The following MTFR1 variants were observed in gnomAD, a reference collection of about 807,000 sequenced individuals.
The protein encoded by MTFR1 is mitochondrial fission regulator 1.
MTFR1 carries 28 observed loss-of-function variants against 38.8 expected under a neutral mutation model. That is an observed-to-expected ratio of 0.72 (90% CI 0.53 to 0.99). The LOEUF is 0.99. Ranked by LOEUF, MTFR1 falls within the 50% of genes least tolerant of loss-of-function variation. The pLI is 0.00. For missense variants in MTFR1, 358 were observed against 395.5 expected (o/e 0.91, Z 0.81); for synonymous variants, 145 against 137.0 (o/e 1.06, Z -0.41).
In MTFR1 at chr8:65,693,654, A is replaced by G. The variant is rs770799602; in HGVS notation, c.176A>G (p.His59Arg). Reference sequence around the variant, plus strand: ...ATTTATAACTTACAGATTAACAGCCATGCAACAGAATGGAGTCCCAGCCAC... The same window carrying G: ...ATTTATAACTTACAGATTAACAGCCGTGCAACAGAATGGAGTCCCAGCCAC... ...CPRVQFQINS[H>R]ATEWSPSHPG... The change falls in exon 4 of 8, where the codon CAT (histidine) becomes CGT (arginine). Residue 59 changes from histidine (H) to arginine (R), a missense_variant. By Grantham distance (29) the His-to-Arg change is conservative. Transcript: ENST00000262146. The G allele has an allele frequency of 1.4e-5, 22 of 1,613,804 alleles. No individual in the cohort carries two copies. Among genetic ancestry groups the G allele is most frequent in the Middle Eastern group, 1.6e-4 (1 of 6,084 alleles).
chr8:65,666,797 A>G (rs942889339), intron 1 of MTFR1, among the ~76,000 whole-genome samples: 2 of 152,210 alleles, frequency 1.3e-5, no homozygotes, highest in African/African-American at 4.8e-5. Context: ...TTGGAACACC[A>G]ATAAATAAAG....
In MTFR1 at chr8:65,673,569, C is replaced by T. The variant is rs890110288; in HGVS notation, c.66+3551C>T. The stretch of plus-strand genomic sequence containing the variant: ...TGTATACCTATTTAACAAACCTGCA[C>T]GTTCTGCACATGTATCCCAGAACTT... On this transcript the variant is annotated intron_variant, in intron 2 of 7. Coordinates refer to ENST00000262146, the MANE Select transcript of MTFR1 (RefSeq NM_014637.4). 8.0e-5 allele frequency among the ~76,000 whole-genome samples: 12 copies of T among 150,502 alleles called. No homozygotes were observed. In the South Asian group the frequency reaches 8.4e-4, roughly 11 times the overall value.
At chr8:65,773,545 G>A (rs1809172413), downstream of MTFR1, among the ~76,000 whole-genome samples, 1 of 152,074 alleles carries the variant, frequency 6.6e-6, no homozygotes, top group Non-Finnish European at 1.5e-5. Context: ...CTCAAGCCCG[G>A]TTCTGCTTCA....
intron 3 of MTFR1, among the ~76,000 whole-genome samples, chr8:65,737,047 G>A (rs1027981041): frequency 6.6e-6 from 1 of 151,756 alleles, no homozygotes; most frequent in African/African-American, 2.4e-5. Flanking sequence ...AGTTGAGGTT[G>A]CAGTGAGCCA....
chr8:65,745,546 G>A (rs756980889), intron 3 of MTFR1: 184 of 801,938 alleles, frequency 2.3e-4, no homozygotes, highest in Non-Finnish European at 3.5e-4. Context: ...CCATAGAGAA[G>A]TTAAAGAAAA....
At chr8:65,720,597 G>A (rs774827021) in intron 3 of MTFR1, 5 of 153,932 alleles carry the variant, frequency 3.2e-5, no homozygotes, top group Non-Finnish European at 5.9e-5. Context: ...TACAATATGT[G>A]CAATAAGGCT....
intron 1 of MTFR1, among the ~76,000 whole-genome samples, chr8:65,646,049 A>G (rs1001546806): frequency 6.6e-6 from 1 of 152,196 alleles, no homozygotes; most frequent in African/African-American, 2.4e-5. Flanking sequence ...TCTTGTGCTC[A>G]GGTTTTCAAA....
intron 4 of MTFR1, among the ~76,000 whole-genome samples, chr8:65,694,772 T>C (rs1338444991): frequency 6.6e-6 from 1 of 152,166 alleles, no homozygotes; most frequent in Admixed American, 6.5e-5. Flanking sequence ...GCAAGACTTC[T>C]CAGGAGGAAA....
chr8:65,645,542 G>A (rs1373460645), intron 1 of MTFR1, among the ~76,000 whole-genome samples: 1 of 152,266 alleles, frequency 6.6e-6, no homozygotes, highest in East Asian at 1.9e-4. Flanking sequence ...GTTATTTTGC[G>A]TTTTTGAGAC....
intron 3 of MTFR1, among the ~76,000 whole-genome samples, chr8:65,744,233 AACAAC>A (rs1402520153): frequency 2.0e-5 from 3 of 149,966 alleles, no homozygotes; most frequent in Admixed American, 6.7e-5. Context: ...AACAAAACAA[AACAAC>A]AAAAAAAAAC....
chr8:65,648,535 A>G (rs1163106972), intron 1 of MTFR1, among the ~76,000 whole-genome samples: 1 of 152,184 alleles, frequency 6.6e-6, no homozygotes, highest in Non-Finnish European at 1.5e-5. Context: ...TATGATACTG[A>G]AGTTATTGTC....
chr8:65,688,916 G>A lies in MTFR1; in HGVS notation c.166-4728G>A, dbSNP rs185698828. On this transcript the variant is annotated intron_variant, in intron 3 of 7. Coordinates refer to ENST00000262146, the MANE Select transcript of MTFR1 (RefSeq NM_014637.4). ...TCCCAGCACTTTGGGAGGCTGAGGC[G>A]GGTGGATCACTTGAGGTCAGGAGTT... 6.2e-4 allele frequency among the ~76,000 whole-genome samples: 94 copies of A among 151,902 alleles called. No homozygotes were observed. The East Asian group carries it at 0.011, about 18-fold the overall frequency.
intron 4 of MTFR1, among the ~76,000 whole-genome samples, chr8:65,696,332 T>C (rs1468063371): frequency 6.6e-6 from 1 of 152,226 alleles, no homozygotes; most frequent in Non-Finnish European, 1.5e-5. Context: ...TTAAACTTTT[T>C]ATTTTGAGAT....
intron 3 of MTFR1, among the ~76,000 whole-genome samples, chr8:65,764,567 T>A (rs1808673546): frequency 6.6e-6 from 1 of 152,184 alleles, no homozygotes; most frequent in South Asian, 2.1e-4. Flanking sequence ...AGCAAACTAT[T>A]TGTACACCTA....
intron 3 of MTFR1, among the ~76,000 whole-genome samples, chr8:65,755,572 TTA>T (rs1344168822): frequency 6.6e-6 from 1 of 152,254 alleles, no homozygotes; most frequent in Non-Finnish European, 1.5e-5. Flanking sequence ...AGTTACATCT[TTA>T]TATGTGTGTG....
chr8:65,665,796 C>G (rs1390069213), intron 1 of MTFR1, among the ~76,000 whole-genome samples: 1 of 152,206 alleles, frequency 6.6e-6, no homozygotes, highest in African/African-American at 2.4e-5. Context: ...GCTTTACCAG[C>G]TACTTTACCA....
At chr8:65,736,668 A>G (rs966366581) in intron 3 of MTFR1, among the ~76,000 whole-genome samples, 3 of 151,794 alleles carry the variant, frequency 2.0e-5, no homozygotes, top group Non-Finnish European at 4.4e-5. Flanking sequence ...GGAGGATCGC[A>G]TGAGCCGAGA....
chr8:65,649,340 A>G (rs1809054955), intron 1 of MTFR1, among the ~76,000 whole-genome samples: 1 of 152,014 alleles, frequency 6.6e-6, no homozygotes, highest in Admixed American at 6.6e-5. Flanking sequence ...CCCCGCCACC[A>G]CGACCTGCTA....
At chr8:65,690,391 AG>A (rs1367693775) in intron 3 of MTFR1, among the ~76,000 whole-genome samples, 1 of 151,854 alleles carries the variant, frequency 6.6e-6, no homozygotes, top group Non-Finnish European at 1.5e-5. Flanking sequence ...ACAAAAAATG[AG>A]CCAGGTGTCG....
Sources: allele counts gnomAD v4.1 joint callset (sites outside exome capture counted in the v4.1 genomes callset), GRCh38; gene constraint gnomAD v4.1.1; transcripts MANE v1.5; gene names NCBI Gene and HGNC (gene_info 2026-07-23, HGNC 2026-07-21).